GRM5: variants seen among roughly 807,000 people sequenced by gnomAD.
The protein encoded by GRM5 is metabotropic glutamate receptor 5.
Under a neutral mutation model 83.1 loss-of-function variants are expected in GRM5, and 19 were observed. That is an observed-to-expected ratio of 0.23 (90% CI 0.16 to 0.34). The LOEUF is 0.34. Ranked by LOEUF, GRM5 falls within the 10% of genes least tolerant of loss-of-function variation. GRM5 has a pLI of 1.00. For missense variants in GRM5, 1,160 were observed against 1,588.3 expected (o/e 0.73, Z 4.58); for synonymous variants, 675 against 633.6 (o/e 1.07, Z -0.98).
chr11:88,655,755 T>TTA (rs1482100490), intron 3 of GRM5, among the ~76,000 whole-genome samples: 1 of 151,908 alleles, frequency 6.6e-6, no homozygotes, highest in Non-Finnish European at 1.5e-5. Context: ...GCCTTATAAG[T>TTA]TAGAGTTGTG....
intron 8 of GRM5, among the ~76,000 whole-genome samples, chr11:88,534,264 C>T (rs772390350): frequency 2.6e-5 from 4 of 152,200 alleles, no homozygotes; most frequent in Non-Finnish European, 5.9e-5. Context: ...CCACTGACGA[C>T]TTGCACTGTG....
At chr11:88,920,218 T>G (rs1428561615) in intron 2 of GRM5, among the ~76,000 whole-genome samples, 1 of 151,846 alleles carries the variant, frequency 6.6e-6, no homozygotes, top group Non-Finnish European at 1.5e-5. Flanking sequence ...ATATTACAAC[T>G]GATACCACAG....
rs1456381380 is a variant in GRM5, at chr11:88,507,308, C to T, written c.*1284G>A. On this transcript the variant is annotated 3_prime_UTR_variant, in exon 10 of 10. Transcript: ENST00000305447. ...GTGGTTAATATTCATTAAGGTTCCTCTTTTTTAGTATTTTGTATTGCTTTG... is the reference window on the plus strand; with the variant it reads ...GTGGTTAATATTCATTAAGGTTCCTTTTTTTTAGTATTTTGTATTGCTTTG... 6.6e-6 allele frequency: 1 copy of T among 152,168 alleles called. No homozygotes were observed. Among genetic ancestry groups the T allele is most frequent in the Admixed American group, 6.5e-5 (1 of 15,276 alleles). The allele number at this position is 152,168 out of a possible 1,614,324, so 9.4% of individuals were successfully genotyped here. A position where few individuals can be genotyped will look rare whatever the true frequency, so the allele number is the denominator to read the frequency against.
At chr11:88,838,689 G>T (rs1206322607) in intron 3 of GRM5, among the ~76,000 whole-genome samples, 1 of 151,940 alleles carries the variant, frequency 6.6e-6, no homozygotes, top group Non-Finnish European at 1.5e-5. Context: ...GTTAAATTTG[G>T]CCTTACTTTA....
intron 3 of GRM5, among the ~76,000 whole-genome samples, chr11:88,848,345 G>T (rs1258242927): frequency 2.0e-5 from 3 of 152,172 alleles, no homozygotes; most frequent in Non-Finnish European, 4.4e-5. Context: ...GGACAGAAAA[G>T]AATTGGGTAC....
At chr11:88,839,858 C>T (rs1364406299) in intron 3 of GRM5, among the ~76,000 whole-genome samples, 1 of 151,660 alleles carries the variant, frequency 6.6e-6, no homozygotes, top group Non-Finnish European at 1.5e-5. Flanking sequence ...ATGTGGTATG[C>T]ATTATATACT....
At chr11:88,548,292 T>C (rs1942427911) in intron 8 of GRM5, among the ~76,000 whole-genome samples, 1 of 152,172 alleles carries the variant, frequency 6.6e-6, no homozygotes, top group Admixed American at 6.5e-5. Context: ...AGGACTAATG[T>C]AAATAAAAGG....
intron 7 of GRM5, among the ~76,000 whole-genome samples, chr11:88,586,816 A>T (rs1419383474): frequency 6.6e-6 from 1 of 152,168 alleles, no homozygotes; most frequent in East Asian, 1.9e-4. Flanking sequence ...ACCCACACAC[A>T]TACACACACT....
chr11:88,515,937 C>T (rs1247964275), intron 9 of GRM5, among the ~76,000 whole-genome samples: 1 of 152,176 alleles, frequency 6.6e-6, no homozygotes, highest in Non-Finnish European at 1.5e-5. Context: ...TAATAGTTTC[C>T]ATTTTAATAG....
At chr11:89,030,425 C>A (rs1941235399) in intron 2 of GRM5, among the ~76,000 whole-genome samples, 1 of 152,184 alleles carries the variant, frequency 6.6e-6, no homozygotes, top group Non-Finnish European at 1.5e-5. Context: ...AAGACAGAAA[C>A]AATCATAAGG....
chr11:88,896,669 GA>G (rs1317217197), intron 2 of GRM5, among the ~76,000 whole-genome samples: 2 of 151,846 alleles, frequency 1.3e-5, no homozygotes, highest in African/African-American at 4.8e-5. Context: ...TGAGAAAATA[GA>G]AAGAATGGTG....
intron 3 of GRM5, among the ~76,000 whole-genome samples, chr11:88,824,636 C>T (rs370975477): frequency 2.0e-4 from 30 of 152,078 alleles, no homozygotes; most frequent in African/African-American, 6.3e-4. Context: ...AGGGGTTTTA[C>T]GCTCCTATGA....
At chr11:88,663,717 A>G (rs16914488) in intron 3 of GRM5, among the ~76,000 whole-genome samples, 3,812 of 152,246 alleles carry the variant, frequency 0.025, 148 homozygotes, top group African/African-American at 0.085. Flanking sequence ...TTCCTGTTAC[A>G]TGACTGTGCT....
intron 2 of GRM5, among the ~76,000 whole-genome samples, chr11:88,945,129 TAC>T (rs10587949): frequency 0.38 from 55,786 of 148,680 alleles, 10,440 homozygotes; most frequent in East Asian, 0.45. Flanking sequence ...CACACACACA[TAC>T]ACACACACAC....
chr11:88,872,488 A>C (rs1436213307), intron 2 of GRM5, among the ~76,000 whole-genome samples: 1 of 151,532 alleles, frequency 6.6e-6, no homozygotes, highest in Non-Finnish European at 1.5e-5. Flanking sequence ...GGCAATATTT[A>C]AAAATATATA....
intron 2 of GRM5, among the ~76,000 whole-genome samples, chr11:88,946,254 G>C (rs1938280230): frequency 2.0e-5 from 3 of 152,088 alleles, no homozygotes; most frequent in Admixed American, 1.3e-4. Flanking sequence ...CAAGGATGCA[G>C]AGAAAAGGCA....
At chr11:88,556,005 C>T (rs149745140) in intron 8 of GRM5, among the ~76,000 whole-genome samples, 5 of 152,144 alleles carry the variant, frequency 3.3e-5, no homozygotes, top group South Asian at 4.2e-4. Context: ...ACTCACAAAC[C>T]GCCTTTAAAC....
chr11:88,851,931 C>T (rs769964428), intron 2 of GRM5, among the ~76,000 whole-genome samples: 7 of 152,144 alleles, frequency 4.6e-5, no homozygotes, highest in Non-Finnish European at 8.8e-5. Context: ...GAAAAATGTG[C>T]CAAAGGGCCT....
In GRM5 at chr11:88,604,833, C is replaced by T; in HGVS notation, c.1279G>A (p.Asp427Asn). The change falls in exon 5 of 10, where the codon GAT becomes AAT. Residue 427 changes from aspartate to asparagine, a missense_variant. By Grantham distance (23) the Asp-to-Asn change is conservative (BLOSUM62 1). Around this residue, in one of 9 missense-constraint regions of GRM5, gnomAD observed 132 missense variants for 197.6 expected, o/e 0.67. Transcript: ENST00000305447. ...CGTCCATCAATTGGCTTCATGGCAT[C>T]ACAGAGTCCTGCATAGCCTGGGCAG... ...SLCPGYAGLC[D>N]AMKPIDGRKL... The T allele has an allele frequency of 6.2e-7, 1 of 1,614,048 alleles. No individual in the cohort carries two copies. The highest frequency in any genetic ancestry group is 1.1e-5 in the South Asian group (1 of 91,076).
Sources: allele counts gnomAD v4.1 joint callset (sites outside exome capture counted in the v4.1 genomes callset), GRCh38; gene constraint gnomAD v4.1.1; regional missense constraint gnomAD v4.1.1; transcripts MANE v1.5; gene names NCBI Gene and HGNC (gene_info 2026-07-23, HGNC 2026-07-21).